Variants in DPP10 observed in about 807,000 individuals in gnomAD.
DPP10 encodes the protein inactive dipeptidyl peptidase 10.
DPP10 carries 33 observed loss-of-function variants against 120.9 expected under a neutral mutation model. The ratio of observed to expected loss-of-function variants is 0.27; its 90% CI spans 0.21 to 0.37. The LOEUF is 0.37. Ranked by LOEUF, DPP10 falls within the 10% of genes least tolerant of loss-of-function variation. DPP10 has a pLI of 1.00. For missense variants in DPP10, 816 were observed against 942.8 expected, an observed-to-expected ratio of 0.87 and a Z score of 1.76; for synonymous variants, 337 against 326.1, an observed-to-expected ratio of 1.03 and a Z score of -0.36.
intron 24 of DPP10, 56 bp downstream of exon 24, chr2:115,836,802 T>A (rs1285241110): frequency 2.0e-6 from 3 of 1,528,062 alleles, no homozygotes; most frequent in Non-Finnish European, 2.7e-6. Context: ...TACAAAGGGA[T>A]ACATCTAAGG....
intron 1 of DPP10, among the ~76,000 whole-genome samples, chr2:114,879,364 C>T (rs1359817934): frequency 6.6e-6 from 1 of 152,116 alleles, no homozygotes; most frequent in African/African-American, 2.4e-5. Flanking sequence ...ATTATCATCT[C>T]ATGAATATCC....
chr2:115,612,574 G>A (rs1205268100), intron 5 of DPP10, among the ~76,000 whole-genome samples: 2 of 152,054 alleles, frequency 1.3e-5, no homozygotes, highest in Non-Finnish European at 2.9e-5. Flanking sequence ...ATATAGTGAC[G>A]TGTTCTGCCA....
intron 1 of DPP10, among the ~76,000 whole-genome samples, chr2:114,757,392 GA>G (rs1450682596): frequency 1.3e-5 from 2 of 148,342 alleles, no homozygotes; most frequent in Non-Finnish European, 3.0e-5. Flanking sequence ...GGAAAGGAGG[GA>G]GGGAGAGAGA....
intron 7 of DPP10, among the ~76,000 whole-genome samples, chr2:115,708,489 T>C (rs2092209750): frequency 6.6e-6 from 1 of 152,068 alleles, no homozygotes; most frequent in Admixed American, 6.6e-5. Flanking sequence ...TCCTAATCAC[T>C]GTTTCTAACA....
At chr2:115,118,224 G>A (rs1161795739) in intron 1 of DPP10, among the ~76,000 whole-genome samples, 2 of 152,092 alleles carry the variant, frequency 1.3e-5, no homozygotes, top group African/African-American at 2.4e-5. Flanking sequence ...TATTTCTTGA[G>A]TCTTTCCATT....
chr2:115,051,887 A>G (rs936583764), intron 1 of DPP10, among the ~76,000 whole-genome samples: 6 of 152,194 alleles, frequency 3.9e-5, no homozygotes, highest in Admixed American at 3.3e-4. Context: ...GCCTGATTTA[A>G]CCATCTTACA....
intron 1 of DPP10, among the ~76,000 whole-genome samples, chr2:114,973,056 T>G (rs1319519684): frequency 6.6e-6 from 1 of 152,218 alleles, no homozygotes; most frequent in Non-Finnish European, 1.5e-5. Flanking sequence ...AATATAGTCA[T>G]ATACCATGTA....
Position 115,823,867 on chromosome 2 carries a change from G to A in DPP10, c.1950+8138G>A, listed in dbSNP as rs1483843093. Among the ~76,000 whole-genome samples the A allele has an allele frequency of 2.6e-5, 4 of 152,254 alleles. No individual in the cohort carries two copies. The South Asian group carries it at 6.2e-4, about 24-fold the overall frequency. ...TAAGTTAAATCTCAATGTAAAAAGC[G>A]ATGTGATTCATTTGAGATATTTCCT... On this transcript the variant is annotated intron_variant, in intron 21 of 25. Coordinates refer to ENST00000410059, the MANE Select transcript of DPP10 (RefSeq NM_020868.6).
At chr2:115,229,626 T>G (rs1380384769) in intron 1 of DPP10, among the ~76,000 whole-genome samples, 6 of 152,120 alleles carry the variant, frequency 3.9e-5, no homozygotes, top group Non-Finnish European at 5.9e-5. Flanking sequence ...TTGAAGAGAT[T>G]GTTCTTAGGA....
chr2:114,513,973 G>T (rs546655567), intron 1 of DPP10, among the ~76,000 whole-genome samples: 5 of 152,118 alleles, frequency 3.3e-5, no homozygotes, highest in African/African-American at 1.2e-4. Context: ...CATAAAATAC[G>T]GGAAACCTGG....
intron 1 of DPP10, among the ~76,000 whole-genome samples, chr2:114,622,002 G>T (rs1009163691): frequency 2.0e-5 from 3 of 151,712 alleles, no homozygotes; most frequent in Non-Finnish European, 4.4e-5. Context: ...ATAAAATGAG[G>T]CATTTACACA....
At chr2:115,180,225 C>G (rs1297641084) in intron 1 of DPP10, among the ~76,000 whole-genome samples, 3 of 152,092 alleles carry the variant, frequency 2.0e-5, no homozygotes, top group Non-Finnish European at 4.4e-5. Context: ...GAGAGGTACA[C>G]TGATAGAAAT....
chr2:114,791,296 G>A (rs1462630641), intron 1 of DPP10, among the ~76,000 whole-genome samples: 11 of 152,170 alleles, frequency 7.2e-5, no homozygotes, highest in African/African-American at 2.7e-4. Context: ...TTGGAGTCAG[G>A]TCAACTTTCA....
At position 114,540,080 on chromosome 2, in the gene DPP10, G is replaced by A. The variant is rs561703879; in HGVS notation, c.60+97242G>A. ...CTAAGGTTTGAGTAACAGGAAATGT[G>A]CAACATATTTTCAAAGACAGATACC... is the stretch of plus-strand genomic sequence containing the variant. On this transcript the variant is annotated intron_variant, in intron 1 of 25. Coordinates refer to ENST00000410059, the MANE Select transcript of DPP10 (RefSeq NM_020868.6). Among the ~76,000 whole-genome samples the A allele has an allele frequency of 1.1e-4, 17 of 152,264 alleles. No homozygotes were observed. In the South Asian group the frequency reaches 3.3e-3, roughly 30 times the overall value.
chr2:115,221,173 A>G (rs571551859), intron 1 of DPP10, among the ~76,000 whole-genome samples: 2 of 152,194 alleles, frequency 1.3e-5, no homozygotes, highest in Non-Finnish European at 2.9e-5. Flanking sequence ...GTACGTCACA[A>G]AGAAATTAAG....
intron 7 of DPP10, among the ~76,000 whole-genome samples, chr2:115,694,195 A>C (rs1347709929): frequency 6.6e-6 from 1 of 152,178 alleles, no homozygotes; most frequent in Non-Finnish European, 1.5e-5. Flanking sequence ...TGAGTTTGGC[A>C]TGCTTTGTCA....
chr2:115,207,416 C>CAAAAAAAAAAAAAAAAAAAAA lies in DPP10; in HGVS notation c.61-101813_61-101793dup, dbSNP rs57462947. Among the ~76,000 whole-genome samples, 10 of 52,302 alleles carry CAAAAAAAAAAAAAAAAAAAAA rather than the reference C, an allele frequency of 1.9e-4. 2 individuals carry two copies. Among genetic ancestry groups the CAAAAAAAAAAAAAAAAAAAAA allele is most frequent in the African/African-American group, 5.9e-4 (9 of 15,136 alleles). The allele number at this position is 52,302 out of a possible 152,430, so 34.3% of individuals were successfully genotyped here. ...GGTTTTTAAAGAGTGCTTACTGCACCAAAAAAAAAAAAAAAAAAAAAAAAA... is the reference window on the plus strand; with the variant it reads ...GGTTTTTAAAGAGTGCTTACTGCACCAAAAAAAAAAAAAAAAAAAAAAAAAAAAAAAAAAAAAAAAAAAAAA... On this transcript the variant is annotated intron_variant, in intron 1 of 25. Coordinates refer to ENST00000410059, the MANE Select transcript of DPP10 (RefSeq NM_020868.6).
At chr2:115,600,939 G>A (rs930989055) in intron 5 of DPP10, among the ~76,000 whole-genome samples, 3 of 152,280 alleles carry the variant, frequency 2.0e-5, no homozygotes, top group African/African-American at 4.8e-5. Flanking sequence ...TGTAGCCAAC[G>A]ATTGCAGTTA....
intron 1 of DPP10, among the ~76,000 whole-genome samples, chr2:114,443,197 T>A (rs1257225293): frequency 6.6e-6 from 1 of 152,156 alleles, no homozygotes; most frequent in African/African-American, 2.4e-5. Flanking sequence ...AGCATCAAAT[T>A]GACTACAAAT....
Sources: gnomAD v4.1 joint callset for allele counts (sites outside exome capture counted in the v4.1 genomes callset) on GRCh38, gnomAD v4.1.1 for gene constraint, MANE v1.5 for transcripts, NCBI Gene and HGNC (gene_info 2026-07-23, HGNC 2026-07-21) for gene names.